The following SORCS3 variants were observed in gnomAD, a reference collection of about 807,000 sequenced individuals.
SORCS3 encodes VPS10 domain-containing receptor SorCS3.
A neutral mutation model predicts 146.3 loss-of-function variants in SORCS3; 57 were observed. The ratio of observed to expected loss-of-function variants is 0.39; its 90% CI spans 0.31 to 0.49. The LOEUF is 0.49. Among genes scored for constraint, SORCS3 ranks in the 20% least tolerant of loss-of-function variants. The pLI, the probability that SORCS3 is intolerant of heterozygous loss-of-function variation, is 0.92. For synonymous variants in SORCS3, 653 were observed against 618.5 expected (o/e 1.06, Z -0.83); for missense variants, 1,341 against 1,575.5 (o/e 0.85, Z 2.52).
chr10:105,229,724 G>C (rs78502088), intron 20 of SORCS3, among the ~76,000 whole-genome samples: 1 of 152,156 alleles, frequency 6.6e-6, no homozygotes, highest in African/African-American at 2.4e-5. Flanking sequence ...GTGGGCCAGG[G>C]TCTGGGGTCC....
chr10:104,959,924 C>T (rs1309512747), intron 3 of SORCS3, among the ~76,000 whole-genome samples: 1 of 152,152 alleles, frequency 6.6e-6, no homozygotes, highest in Non-Finnish European at 1.5e-5. Flanking sequence ...TTCCTCAGTA[C>T]AGTTCCTGCA....
chr10:105,162,884 C>A (rs2056277582), intron 11 of SORCS3, among the ~76,000 whole-genome samples: 1 of 152,186 alleles, frequency 6.6e-6, no homozygotes, highest in African/African-American at 2.4e-5. Flanking sequence ...TTGATCACCA[C>A]CACATTCTAT....
intron 5 of SORCS3, among the ~76,000 whole-genome samples, chr10:105,071,077 G>A (rs1168692997): frequency 6.6e-6 from 1 of 152,134 alleles, no homozygotes; most frequent in Non-Finnish European, 1.5e-5. Flanking sequence ...GGAGAGTGTA[G>A]GACTCCTGGA....
chr10:104,668,919 T>C (rs1358260539), intron 1 of SORCS3, among the ~76,000 whole-genome samples: 1 of 152,206 alleles, frequency 6.6e-6, no homozygotes, highest in Non-Finnish European at 1.5e-5. Context: ...TTAAAGCAAA[T>C]TAAACAGGTG....
At chr10:105,098,751 A>G (rs754349253) in intron 6 of SORCS3, among the ~76,000 whole-genome samples, 1 of 152,252 alleles carries the variant, frequency 6.6e-6, no homozygotes, top group Non-Finnish European at 1.5e-5. Context: ...CAAAAATGCT[A>G]CTGTTGTCAT....
At chr10:105,235,901 A>G (rs2056790679) in intron 20 of SORCS3, among the ~76,000 whole-genome samples, 1 of 152,110 alleles carries the variant, frequency 6.6e-6, no homozygotes, top group Non-Finnish European at 1.5e-5. Flanking sequence ...AAACTATGCT[A>G]TTTTATAGCA....
intron 1 of SORCS3, among the ~76,000 whole-genome samples, chr10:104,684,910 C>T (rs761729349): frequency 9.5e-5 from 14 of 147,326 alleles, no homozygotes; most frequent in Non-Finnish European, 1.5e-4. Flanking sequence ...CTCTGCCTCC[C>T]GGGTTTCAGC....
chr10:104,642,019 TGGG>T, intron 1 of SORCS3, 65 bp downstream of exon 1: 1 of 96,392 alleles, frequency 1.0e-5, no homozygotes, highest in Non-Finnish European at 2.0e-5. Flanking sequence ...GGGGGGTGGG[TGGG>T]AGCGAGGGAC....
intron 5 of SORCS3, among the ~76,000 whole-genome samples, chr10:105,044,289 G>T (rs116503530): frequency 1.9e-3 from 296 of 152,232 alleles, no homozygotes; most frequent in African/African-American, 6.9e-3. Context: ...GTGATCACTT[G>T]AGCTCAGGAG....
intron 2 of SORCS3, among the ~76,000 whole-genome samples, chr10:104,902,533 C>A (rs1306982218): frequency 6.6e-6 from 1 of 152,218 alleles, no homozygotes; most frequent in Non-Finnish European, 1.5e-5. Context: ...GCTTCTGCAA[C>A]CTTCTTGTTC....
At chr10:105,167,226 T>G (rs746398095) in intron 12 of SORCS3, 32 bp from the exon 13 acceptor site, 2 of 1,517,640 alleles carry the variant, frequency 1.3e-6, no homozygotes, top group African/African-American at 2.7e-5. Context: ...AAGGTGTTGC[T>G]ATGATTGTTG....
chr10:104,918,445 G>A (rs903645824), intron 3 of SORCS3, among the ~76,000 whole-genome samples: 5 of 152,172 alleles, frequency 3.3e-5, no homozygotes, highest in African/African-American at 1.2e-4. Context: ...TGATAGCGTA[G>A]GGGTTCAAAA....
At chr10:104,645,879 T>C (rs1207975072) in intron 1 of SORCS3, among the ~76,000 whole-genome samples, 1 of 152,224 alleles carries the variant, frequency 6.6e-6, no homozygotes, top group Admixed American at 6.5e-5. Flanking sequence ...AACAGATTTT[T>C]CAAATAGCTT....
chr10:105,067,808 T>A (rs534773465), intron 5 of SORCS3, among the ~76,000 whole-genome samples: 1 of 152,228 alleles, frequency 6.6e-6, no homozygotes, highest in Admixed American at 6.5e-5. Context: ...TTCAGGAGTC[T>A]TTGTCCTTCC....
chr10:105,068,603 C>CAA (rs139217881), intron 5 of SORCS3, among the ~76,000 whole-genome samples: 8,968 of 151,942 alleles, frequency 0.059, 283 homozygotes, highest in Middle Eastern at 0.089. Context: ...CTGCTGAAGT[C>CAA]GAGAGAATTA....
intron 5 of SORCS3, among the ~76,000 whole-genome samples, chr10:105,089,336 C>G (rs572034681): frequency 9.9e-5 from 15 of 152,202 alleles, no homozygotes; most frequent in South Asian, 4.2e-4. Flanking sequence ...ACCGTGTTCC[C>G]CATCGGGTAG....
chr10:105,178,974 G>A (rs147680699), intron 14 of SORCS3, among the ~76,000 whole-genome samples: 153 of 152,312 alleles, frequency 1.0e-3, no homozygotes, highest in African/African-American at 3.5e-3. Context: ...TACGCTTAGG[G>A]ACACTGCTCT....
intron 7 of SORCS3, among the ~76,000 whole-genome samples, chr10:105,134,790 T>C (rs2218944): frequency 0.52 from 78,636 of 151,908 alleles, 20,622 homozygotes; most frequent in Admixed American, 0.55. Flanking sequence ...ATGCAAAATA[T>C]GTTCGTTTCA....
At chr10:105,009,938 G>C (rs10884078) in intron 4 of SORCS3, among the ~76,000 whole-genome samples, 18 of 151,954 alleles carry the variant, frequency 1.2e-4, no homozygotes, top group African/African-American at 4.3e-4. Context: ...TAATTGAAAG[G>C]CTATTGAAAT....
Sources: allele counts gnomAD v4.1 joint callset (sites outside exome capture counted in the v4.1 genomes callset), GRCh38; gene constraint gnomAD v4.1.1; transcripts MANE v1.5; gene names NCBI Gene and HGNC (gene_info 2026-07-23, HGNC 2026-07-21).